Variants in SPOCK3 observed in about 807,000 individuals in gnomAD.
The protein encoded by SPOCK3 is testican-3.
In SPOCK3, 30 loss-of-function variants were observed where a neutral mutation model predicts 56.6. The ratio of observed to expected loss-of-function variants is 0.53; its 90% CI spans 0.40 to 0.72. SPOCK3 has a LOEUF of 0.72. SPOCK3 is among the 30% of genes least tolerant of loss of function. The pLI is 0.00. For missense variants in SPOCK3, 527 were observed against 530.0 expected (o/e 0.99, Z 0.06); for synonymous variants, 196 against 183.3 (o/e 1.07, Z -0.56).
chr4:166,792,190 A>G lies in SPOCK3; in HGVS notation c.689T>C (p.Leu230Ser), dbSNP rs1741430555. The G allele has an allele frequency of 6.2e-7, 1 of 1,613,750 alleles. No individual in the cohort carries two copies. Among genetic ancestry groups the G allele is most frequent in the African/African-American group, 1.3e-5 (1 of 74,896 alleles). ...SGSQNKKTKT[L>S]LRPERSRFDT... ...CTTACTGCTTCTCTCAGGCCTCAGC[A>G]ATGTTTTTGTCTTCTTGTTTTGACT... The change falls in exon 7 of 11, where the codon TTG becomes TCG. Residue 230 changes from leucine (L) to serine (S), a missense_variant. By Grantham distance (145) the Leu-to-Ser change is moderately radical (BLOSUM62 -2). Coordinates refer to ENST00000357545, the MANE Select transcript of SPOCK3 (RefSeq NM_001040159.2).
chr4:167,062,594 C>T lies in SPOCK3; in HGVS notation c.190-57G>A, dbSNP rs570742865. On this transcript the variant is annotated intron_variant, in intron 2 of 10. Coordinates refer to ENST00000357545, the MANE Select transcript of SPOCK3 (RefSeq NM_001040159.2). ...TACAAGTAATTAAAACGCAAGGGTT[C>T]ATATAAAATCTAAAATTAAATATGA... 1.9e-4 allele frequency: 257 copies of T among 1,341,768 alleles called. 2 individuals are homozygous for T. In the South Asian group the frequency reaches 3.3e-3, roughly 17 times the overall value. The allele number at this position is 1,341,768 out of a possible 1,614,324, so 83.1% of individuals were successfully genotyped here.
intron 6 of SPOCK3, among the ~76,000 whole-genome samples, chr4:166,808,208 C>T (rs185341445): frequency 7.2e-5 from 11 of 152,002 alleles, no homozygotes; most frequent in Admixed American, 3.9e-4. Flanking sequence ...TGTTTGTTTG[C>T]TTGTTTTTTT....
chr4:167,067,256 T>C (rs1447490024), intron 2 of SPOCK3, among the ~76,000 whole-genome samples: 1 of 151,866 alleles, frequency 6.6e-6, no homozygotes, highest in Non-Finnish European at 1.5e-5. Context: ...TAAAAAAAGT[T>C]TACAAAGCAC....
chr4:166,869,653 A>T (rs1732250451), intron 6 of SPOCK3, among the ~76,000 whole-genome samples: 2 of 144,914 alleles, frequency 1.4e-5, no homozygotes, highest in South Asian at 2.2e-4. Context: ...TGTGTTTGAG[A>T]TTTACAGTTT....
chr4:167,008,160 T>A lies in SPOCK3; in HGVS notation c.236-7697A>T, dbSNP rs147104493. ...CCATTAGTATTATAATAGCAAGTTT[T>A]ACATCTAAAAATAACTTTTTATATA... On this transcript the variant is annotated intron_variant, in intron 3 of 10. Transcript: ENST00000357545. 3.2e-3 allele frequency among the ~76,000 whole-genome samples: 483 copies of A among 152,198 alleles called. 3 individuals carry two copies. The highest frequency in any genetic ancestry group is 0.011 in the African/African-American group (463 of 41,542).
At chr4:166,843,906 A>G (rs1270606959) in intron 6 of SPOCK3, among the ~76,000 whole-genome samples, 2 of 152,192 alleles carry the variant, frequency 1.3e-5, no homozygotes, top group Non-Finnish European at 2.9e-5. Context: ...TCATGTAGAA[A>G]AGGCTGAGCT....
intron 2 of SPOCK3, among the ~76,000 whole-genome samples, chr4:167,218,602 T>C (rs1168254130): frequency 2.6e-5 from 4 of 152,106 alleles, no homozygotes; most frequent in Non-Finnish European, 5.9e-5. Context: ...ATGGTATACA[T>C]TTAAAAAGTT....
chr4:167,047,157 T>A (rs546777679), intron 3 of SPOCK3, among the ~76,000 whole-genome samples: 20 of 152,300 alleles, frequency 1.3e-4, no homozygotes, highest in South Asian at 4.1e-4. Flanking sequence ...AGAATGCATT[T>A]ACAGTCATAA....
chr4:167,231,293 T>C (rs1737155488), intron 2 of SPOCK3, among the ~76,000 whole-genome samples: 1 of 152,012 alleles, frequency 6.6e-6, no homozygotes, highest in Non-Finnish European at 1.5e-5. Flanking sequence ...ACAGTGCTGA[T>C]TATGTAAAAC....
In SPOCK3 at chr4:166,863,725, G is replaced by A. The variant is rs28470263; in HGVS notation, c.589+25405C>T. 4.9e-3 allele frequency among the ~76,000 whole-genome samples: 751 copies of A among 152,208 alleles called. 9 individuals are homozygous for A. The highest frequency in any genetic ancestry group is 0.017 in the African/African-American group (719 of 41,546). On this transcript the variant is annotated intron_variant, in intron 6 of 10. Coordinates refer to ENST00000357545, the MANE Select transcript of SPOCK3 (RefSeq NM_001040159.2). ...AATGGTAAAGGGATCAATGCAACAA[G>A]AAGAGCTAACTATCCTAAATATATA... is the stretch of plus-strand genomic sequence containing the variant.
At chr4:166,977,569 G>A (rs957377758) in intron 4 of SPOCK3, among the ~76,000 whole-genome samples, 14 of 151,722 alleles carry the variant, frequency 9.2e-5, no homozygotes, top group African/African-American at 3.1e-4. Context: ...TTTTCTCTGT[G>A]TTACTTTCAT....
At chr4:167,032,087 GAA>G (rs1752332233) in intron 3 of SPOCK3, among the ~76,000 whole-genome samples, 1 of 151,948 alleles carries the variant, frequency 6.6e-6, no homozygotes, top group African/African-American at 2.4e-5. Context: ...GAATTTAGAA[GAA>G]GAGGCTGAAA....
intron 4 of SPOCK3, among the ~76,000 whole-genome samples, chr4:166,961,049 A>G (rs896858491): frequency 1.3e-5 from 2 of 152,222 alleles, no homozygotes; most frequent in African/African-American, 4.8e-5. Context: ...ACATGTATTC[A>G]TAATGTTAAC....
intron 6 of SPOCK3, among the ~76,000 whole-genome samples, chr4:166,839,398 G>C (rs1455221682): frequency 6.6e-6 from 1 of 152,104 alleles, no homozygotes; most frequent in Non-Finnish European, 1.5e-5. Flanking sequence ...ACCACTGGGT[G>C]GTAGTGAAAG....
intron 9 of SPOCK3, among the ~76,000 whole-genome samples, chr4:166,740,847 T>G (rs1182323890): frequency 6.6e-6 from 1 of 152,160 alleles, no homozygotes; most frequent in Non-Finnish European, 1.5e-5. Flanking sequence ...TTTTCATTTG[T>G]GAGCTGTGGT....
intron 7 of SPOCK3, among the ~76,000 whole-genome samples, chr4:166,784,182 C>T (rs1740488547): frequency 6.6e-6 from 1 of 152,024 alleles, no homozygotes; most frequent in Non-Finnish European, 1.5e-5. Flanking sequence ...TGGAATAATA[C>T]AGTTCCTAAA....
chr4:166,778,811 G>A (rs893071917), intron 7 of SPOCK3, among the ~76,000 whole-genome samples: 21 of 151,918 alleles, frequency 1.4e-4, no homozygotes, highest in East Asian at 3.9e-4. Context: ...AGGAGGTTAT[G>A]TGTAGTGAAT....
intron 7 of SPOCK3, among the ~76,000 whole-genome samples, chr4:166,790,552 C>G (rs1041318470): frequency 7.9e-5 from 12 of 152,098 alleles, no homozygotes; most frequent in Non-Finnish European, 1.6e-4. Context: ...CGATCCTGTC[C>G]AAAGATATTC....
intron 2 of SPOCK3, among the ~76,000 whole-genome samples, chr4:167,205,899 G>A (rs970128248): frequency 2.6e-5 from 4 of 151,552 alleles, no homozygotes; most frequent in Non-Finnish European, 5.9e-5. Flanking sequence ...ATAAGCCACC[G>A]CATCCAGCCC....
Sources: gnomAD v4.1 joint callset for allele counts (sites outside exome capture counted in the v4.1 genomes callset) on GRCh38, gnomAD v4.1.1 for gene constraint, MANE v1.5 for transcripts, NCBI Gene and HGNC (gene_info 2026-07-23, HGNC 2026-07-21) for gene names.